MARCHF1: variants seen among roughly 807,000 people sequenced by gnomAD.
MARCHF1 encodes the protein membrane associated ring-CH-type finger 1, also known as E3 ubiquitin-protein ligase MARCHF1.
Under a neutral mutation model 54.2 loss-of-function variants are expected in MARCHF1, and 40 were observed. The ratio of observed to expected loss-of-function variants is 0.74; its 90% CI spans 0.57 to 0.96. MARCHF1 has a LOEUF of 0.96. MARCHF1 is among the 40% of genes least tolerant of loss of function. MARCHF1 has a pLI of 0.00. For missense variants in MARCHF1, 586 were observed against 656.5 expected, an observed-to-expected ratio of 0.89 and a Z score of 1.17; for synonymous variants, 236 against 236.3, an observed-to-expected ratio of 1.00 and a Z score of 0.01.
At chr4:163,690,033 G>T (rs1229233083) in intron 5 of MARCHF1, among the ~76,000 whole-genome samples, 1 of 152,112 alleles carries the variant, frequency 6.6e-6, no homozygotes, top group Non-Finnish European at 1.5e-5. Flanking sequence ...TTGGGAGCCT[G>T]TACTTGGCTG....
chr4:164,368,688 T>C (rs1000479390), intron 1 of MARCHF1, among the ~76,000 whole-genome samples: 4 of 152,220 alleles, frequency 2.6e-5, no homozygotes, highest in African/African-American at 9.6e-5. Context: ...TGTGTATTAT[T>C]AGAAATTCAC....
At chr4:163,874,610 A>C (rs1312948138) in intron 3 of MARCHF1, among the ~76,000 whole-genome samples, 1 of 152,192 alleles carries the variant, frequency 6.6e-6, no homozygotes, top group Non-Finnish European at 1.5e-5. Context: ...TTCATATAAA[A>C]ATTGTGTGGC....
At chr4:164,298,680 T>C (rs2111387903) in intron 1 of MARCHF1, among the ~76,000 whole-genome samples, 1 of 152,228 alleles carries the variant, frequency 6.6e-6, no homozygotes, top group Middle Eastern at 3.4e-3. Context: ...TTTCTTTTAG[T>C]ATGATATAAC....
At chr4:163,771,297 T>C (rs1018647723) in intron 4 of MARCHF1, among the ~76,000 whole-genome samples, 4 of 152,316 alleles carry the variant, frequency 2.6e-5, no homozygotes, top group Non-Finnish European at 4.4e-5. Flanking sequence ...AAAAGTTCTT[T>C]GGTCCAAAAT....
chr4:163,721,635 T>C (rs1272651360), intron 4 of MARCHF1, among the ~76,000 whole-genome samples: 1 of 152,194 alleles, frequency 6.6e-6, no homozygotes, highest in Non-Finnish European at 1.5e-5. Flanking sequence ...TATGGTAGAA[T>C]TCGGCTGTAA....
At chr4:164,074,879 A>G (rs115654367) in intron 2 of MARCHF1, among the ~76,000 whole-genome samples, 2,850 of 150,900 alleles carry the variant, frequency 0.019, 78 homozygotes, top group African/African-American at 0.064. Context: ...CTTCTAAAAT[A>G]TAAGAAATAT....
chr4:164,120,065 TTA>T (rs1372426948), intron 1 of MARCHF1, among the ~76,000 whole-genome samples: 5 of 147,652 alleles, frequency 3.4e-5, no homozygotes, highest in East Asian at 4.1e-4. Flanking sequence ...CCTGATATAT[TTA>T]GTTATAAAAA....
At position 164,132,183 on chromosome 4, in the gene MARCHF1, C is replaced by T. The variant is rs114339808; in HGVS notation, c.-322-20521G>A. 2.5e-3 allele frequency among the ~76,000 whole-genome samples: 377 copies of T among 152,232 alleles called. 3 individuals are homozygous for T. Among genetic ancestry groups the T allele is most frequent in the Middle Eastern group, 0.01 (3 of 292 alleles). ...CTTTCTTTGCTCCCTTTCTCCCTCC[C>T]CGTCTTCCTTCCTCTTTCTTCGTTT... On this transcript the variant is annotated intron_variant, in intron 1 of 9. Coordinates refer to ENST00000514618, the MANE Select transcript of MARCHF1 (RefSeq NM_001394959.1).
intron 1 of MARCHF1, among the ~76,000 whole-genome samples, chr4:164,192,295 G>T (rs990425711): frequency 3.3e-5 from 5 of 151,968 alleles, no homozygotes; most frequent in Admixed American, 6.6e-5. Flanking sequence ...ATACATCATT[G>T]CTTTACTTTC....
At chr4:164,306,044 T>G (rs1734688403) in intron 1 of MARCHF1, among the ~76,000 whole-genome samples, 1 of 152,156 alleles carries the variant, frequency 6.6e-6, no homozygotes, top group African/African-American at 2.4e-5. Flanking sequence ...AATGCACATA[T>G]GTCTTATTTA....
intron 9 of MARCHF1, among the ~76,000 whole-genome samples, chr4:163,543,609 A>G (rs1307447553): frequency 6.6e-6 from 1 of 152,168 alleles, no homozygotes; most frequent in Non-Finnish European, 1.5e-5. Flanking sequence ...AGACAGAAAA[A>G]TGGAAGAAAG....
intron 2 of MARCHF1, 36 bp from the exon 3 acceptor site, chr4:163,988,745 T>C (rs1211678341): frequency 6.6e-6 from 1 of 152,198 alleles, no homozygotes; most frequent in African/African-American, 2.4e-5. Flanking sequence ...TTTGAGACAC[T>C]GTGCAGCAGA....
chr4:164,057,020 T>C (rs1754507463), intron 2 of MARCHF1, among the ~76,000 whole-genome samples: 1 of 152,048 alleles, frequency 6.6e-6, no homozygotes, highest in South Asian at 2.1e-4. Context: ...GGAGTTCCTG[T>C]CACACCCCAG....
intron 3 of MARCHF1, among the ~76,000 whole-genome samples, chr4:163,865,051 CTCTCTTTAAATAAGGGAA>C (rs1750019732): frequency 6.6e-6 from 1 of 151,900 alleles, no homozygotes; most frequent in Non-Finnish European, 1.5e-5. Context: ...CCACTCCCGT[CTCTCTTTAAATAAGGGAA>C]TTTGGTATGA....
At chr4:163,573,924 C>T (rs1260261385) in intron 8 of MARCHF1, among the ~76,000 whole-genome samples, 48 of 149,900 alleles carry the variant, frequency 3.2e-4, no homozygotes, top group African/African-American at 1.1e-3. Flanking sequence ...TTTACAGTCC[C>T]ACCAACAGTG....
At chr4:163,765,183 T>C (rs1201695299) in intron 4 of MARCHF1, among the ~76,000 whole-genome samples, 1 of 152,100 alleles carries the variant, frequency 6.6e-6, no homozygotes, top group African/African-American at 2.4e-5. Flanking sequence ...TATTGTTTCA[T>C]TGATTGTTAG....
intron 3 of MARCHF1, among the ~76,000 whole-genome samples, chr4:163,928,547 G>T (rs1302407070): frequency 6.6e-6 from 1 of 151,872 alleles, no homozygotes; most frequent in Non-Finnish European, 1.5e-5. Context: ...ATTGACTTGA[G>T]GCAATCTTAA....
Position 163,690,172 on chromosome 4 carries a change from G to A in MARCHF1, c.162+10641C>T, listed in dbSNP as rs11946756. On this transcript the variant is annotated intron_variant, in intron 5 of 9. Coordinates refer to ENST00000514618, the MANE Select transcript of MARCHF1 (RefSeq NM_001394959.1). ...CCATGTCCCATTGTGTTTGATTTGT[G>A]AGCCAACTTGCAGCCTCATTTCTGA... Among the ~76,000 whole-genome samples the A allele has an allele frequency of 4.7e-3, 713 of 152,260 alleles. 4 individuals carry two copies. Among genetic ancestry groups the A allele is most frequent in the African/African-American group, 0.017 (689 of 41,544 alleles).
intron 3 of MARCHF1, among the ~76,000 whole-genome samples, chr4:163,888,671 G>A (rs1022610213): frequency 4.6e-5 from 7 of 152,158 alleles, no homozygotes; most frequent in Non-Finnish European, 7.4e-5. Flanking sequence ...TCCAGAGAAA[G>A]AAATCAACTA....
Sources: allele counts gnomAD v4.1 joint callset (sites outside exome capture counted in the v4.1 genomes callset), GRCh38; gene constraint gnomAD v4.1.1; transcripts MANE v1.5; gene names NCBI Gene and HGNC (gene_info 2026-07-23, HGNC 2026-07-21).